Variants in SPEN observed in about 807,000 individuals in gnomAD.
SPEN encodes the protein msx2-interacting protein.
SPEN carries 18 observed loss-of-function variants against 269.9 expected under a neutral mutation model. The observed-to-expected ratio is 0.07, with a 90% CI of 0.05 to 0.10. The LOEUF is 0.10. Among genes scored for constraint, SPEN ranks in the 10% least tolerant of loss-of-function variants. The pLI is 1.00. For missense variants in SPEN, 3,822 were observed against 4,631.2 expected, an observed-to-expected ratio of 0.83 and a Z score of 5.07; for synonymous variants, 1,726 against 1,765.7, an observed-to-expected ratio of 0.98 and a Z score of 0.56.
In SPEN at chr1:15,848,717, G is replaced by A. The variant is rs1161422127; in HGVS notation, c.83+567G>A. Among the ~76,000 whole-genome samples, 2 of 152,232 alleles carry A rather than the reference G, an allele frequency of 1.3e-5. No homozygotes were observed. The highest frequency in any genetic ancestry group is 2.9e-5 in the Non-Finnish European group (2 of 68,024). On this transcript the variant is annotated intron_variant, in intron 1 of 14. Coordinates refer to ENST00000375759, the MANE Select transcript of SPEN (RefSeq NM_015001.3). This position sits in a 1 kb window ranked among gnomAD's most constrained non-coding sequence, Gnocchi z 5.1. Reference sequence around the variant, plus strand: ...GAGACCATCTAGGACCTCTCCGGAGGATTTGCAGCCTTGAAACTCACTGGG... The same window carrying A: ...GAGACCATCTAGGACCTCTCCGGAGAATTTGCAGCCTTGAAACTCACTGGG...
In SPEN at chr1:15,932,185, G is replaced by A. The variant is rs2071228504; in HGVS notation, c.5945G>A (p.Arg1982Gln). Residue 1982 changes from arginine to glutamine, a missense_variant, in exon 11 of 15, where the codon CGG becomes CAG. By Grantham distance (43) the Arg-to-Gln change is conservative (BLOSUM62 1). Coordinates refer to ENST00000375759, the MANE Select transcript of SPEN (RefSeq NM_015001.3). The surrounding 1 kb of genome is among the most constrained non-coding windows in gnomAD (Gnocchi z 4.2). ...AETLKPPEGW[R>Q]SPRSQKTAAG... ...ACACTCAAGCCACCTGAGGGATGGCGGTCGCCAAGGTCCCAGAAAACTGCA... is the reference window on the plus strand; with the variant it reads ...ACACTCAAGCCACCTGAGGGATGGCAGTCGCCAAGGTCCCAGAAAACTGCA... 6.2e-7 allele frequency: 1 copy of A among 1,611,732 alleles called. No individual in the cohort carries two copies.
rs61756184 is a variant in SPEN, at chr1:15,937,908, C to T, written c.10606C>T (p.Arg3536Trp). 2.5e-4 allele frequency: 402 copies of T among 1,614,218 alleles called. No homozygotes were observed. The highest frequency in any genetic ancestry group is 3.2e-4 in the Non-Finnish European group (376 of 1,180,038). ...FVSGNNVLAHRSLPLSEGGPP... is the reference protein window; with the variant it reads ...FVSGNNVLAHWSLPLSEGGPP... ...CTCTGGCAACAACGTCCTGGCCCAT[C>T]GGTCCCTGCCCCTTTCTGAAGGAGG... Residue 3536 changes from arginine (R) to tryptophan (W), a missense_variant, in exon 13 of 15, where the codon CGG becomes TGG. By Grantham distance (101) the Arg-to-Trp change is moderately radical (BLOSUM62 -3). Around this residue, in one of 16 missense-constraint regions of SPEN, gnomAD observed 103 missense variants for 215.8 expected, o/e 0.48. Transcript: ENST00000375759. The surrounding 1 kb of genome is among the most constrained non-coding windows in gnomAD (Gnocchi z 5.7).
intron 3 of SPEN, among the ~76,000 whole-genome samples, chr1:15,879,679 T>A (rs1027182768): frequency 1.3e-5 from 2 of 151,396 alleles, no homozygotes; most frequent in African/African-American, 2.4e-5. Context: ...AGACAAATTT[T>A]TTTTTTTTTG....
chr1:15,936,929 T>C (rs370285237), intron 11 of SPEN, among the ~76,000 whole-genome samples: 5 of 152,250 alleles, frequency 3.3e-5, no homozygotes, highest in East Asian at 3.9e-4. Context: ...GAGTTCTGCA[T>C]ATGGGGAGGG....
intron 5 of SPEN, among the ~76,000 whole-genome samples, chr1:15,911,616 T>C (rs1410196940): frequency 6.6e-6 from 1 of 152,208 alleles, no homozygotes; most frequent in Admixed American, 6.5e-5. Flanking sequence ...TTATCAAAAC[T>C]AGGAGGTAGC....
At chr1:15,873,813 A>G in intron 2 of SPEN, 2 of 1,035,138 alleles carry the variant, frequency 1.9e-6, no homozygotes, top group Non-Finnish European at 2.3e-6. Flanking sequence ...AAATCCTGGA[A>G]TATAGCCATT....
intron 8 of SPEN, 110 bp from the exon 9 acceptor site, chr1:15,920,759 TA>T: frequency 2.3e-6 from 1 of 425,680 alleles, no homozygotes; most frequent in South Asian, 6.4e-5. Context: ...ATAAAATATA[TA>T]AAAATATATT....
In SPEN at chr1:15,932,934, A is replaced by G. The variant is rs896130462; in HGVS notation, c.6694A>G (p.Asn2232Asp). The change falls in exon 11 of 15, where the codon AAC becomes GAC. Residue 2232 changes from asparagine (N) to aspartate (D), a missense_variant. This residue lies in a region of SPEN where 727 missense variants were observed against 737.9 expected (regional missense o/e 0.99). Coordinates refer to ENST00000375759, the MANE Select transcript of SPEN (RefSeq NM_015001.3). This position sits in a 1 kb window ranked among gnomAD's most constrained non-coding sequence, Gnocchi z 4.2. Reference sequence around the variant, plus strand: ...CAATGACATTTCTGGGGAGCCAGAAAACTTCCCAGCACCTCCACCTTATCC... The same window carrying G: ...CAATGACATTTCTGGGGAGCCAGAAGACTTCCCAGCACCTCCACCTTATCC... The part of the protein sequence containing the change: ...IINDISGEPE[N>D]FPAPPPYPGE... The G allele has an allele frequency of 8.1e-6, 13 of 1,614,072 alleles. No individual in the cohort carries two copies. Among genetic ancestry groups the G allele is most frequent in the Non-Finnish European group, 1.1e-5 (13 of 1,180,038 alleles).
rs1357322327 is a variant in SPEN, at chr1:15,848,426, C to A, written c.83+276C>A. On this transcript the variant is annotated intron_variant, in intron 1 of 14. Transcript: ENST00000375759. The surrounding 1 kb of genome is among the most constrained non-coding windows in gnomAD (Gnocchi z 5.1). ...GGAGGTGACCGAGGCTCGGCCTCCACGCAGCCGGCGCCCCGGGGCTGCCCT... is the reference window on the plus strand; with the variant it reads ...GGAGGTGACCGAGGCTCGGCCTCCAAGCAGCCGGCGCCCCGGGGCTGCCCT... 6.6e-6 allele frequency among the ~76,000 whole-genome samples: 1 copy of A among 151,614 alleles called. No individual in the cohort carries two copies.
intron 3 of SPEN, among the ~76,000 whole-genome samples, chr1:15,904,810 C>T (rs977899274): frequency 1.3e-5 from 2 of 151,488 alleles, no homozygotes; most frequent in African/African-American, 2.4e-5. Flanking sequence ...TAAATGTTTA[C>T]AATAAATCTG....
chr1:15,928,731 C>T lies in SPEN; in HGVS notation c.2491C>T (p.Pro831Ser). ...GAAACGCAAAGGAAAGGTTCACTCC[C>T]CTAGTTCTCAGTCTTCAGAAACGGA... ...KQKRKGKVHS[P>S]SSQSSETDQE... Residue 831 changes from proline (P) to serine (S), a missense_variant, in exon 11 of 15, where the codon CCT (proline) becomes TCT (serine). Pro to Ser is a moderately conservative substitution (Grantham distance 74). This residue lies in a region of SPEN where 572 missense variants were observed against 582.6 expected (regional missense o/e 0.98). Coordinates refer to ENST00000375759, the MANE Select transcript of SPEN (RefSeq NM_015001.3). This position sits in a 1 kb window ranked among gnomAD's most constrained non-coding sequence, Gnocchi z 5.7. 2 of 1,614,018 alleles carry T rather than the reference C, an allele frequency of 1.2e-6. No homozygotes were observed. Among genetic ancestry groups the T allele is most frequent in the Non-Finnish European group, 1.7e-6 (2 of 1,180,024 alleles).
At position 15,937,330 on chromosome 1, in the gene SPEN, A is replaced by G. The variant is rs2071285952; in HGVS notation, c.10194A>G (p.Gly3398=). 1 of 1,613,802 alleles carries G rather than the reference A, an allele frequency of 6.2e-7. No individual in the cohort carries two copies. Among genetic ancestry groups the G allele is most frequent in the Non-Finnish European group, 8.5e-7 (1 of 1,179,998 alleles). The part of the protein sequence containing the change: ...VSQEAKGTQT[G]VEQPRLPAGP... ...AGGAGGCAAAGGGGACCCAGACGGG[A>G]GTAGAGCAGCCTCGCCTCCCAGCTG... The change falls in exon 12 of 15, where the codon GGA becomes GGG. Residue 3398 remains glycine (G), a synonymous_variant. Coordinates refer to ENST00000375759, the MANE Select transcript of SPEN (RefSeq NM_015001.3). The surrounding 1 kb of genome is among the most constrained non-coding windows in gnomAD (Gnocchi z 5.7).
chr1:15,881,609 A>G (rs1162620369), intron 3 of SPEN, among the ~76,000 whole-genome samples: 1 of 152,244 alleles, frequency 6.6e-6, no homozygotes, highest in African/African-American at 2.4e-5. Context: ...CTTAGTTAAC[A>G]TGAAGGATAA....
At chr1:15,869,231 C>T (rs1380182936) in intron 1 of SPEN, among the ~76,000 whole-genome samples, 9 of 151,606 alleles carry the variant, frequency 5.9e-5, no homozygotes, top group East Asian at 1.9e-4. Flanking sequence ...TAATTTTTTG[C>T]GTTTTAGTAG....
chr1:15,895,924 T>C (rs1329826384), intron 3 of SPEN, among the ~76,000 whole-genome samples: 3 of 152,014 alleles, frequency 2.0e-5, no homozygotes, highest in African/African-American at 7.2e-5. Context: ...CCTCAGGTGA[T>C]CCACCTGTCT....
At chr1:15,861,179 C>CT (rs2070444495) in intron 1 of SPEN, among the ~76,000 whole-genome samples, 1 of 149,032 alleles carries the variant, frequency 6.7e-6, no homozygotes, top group South Asian at 2.1e-4. Flanking sequence ...GTCACCTAGG[C>CT]TGGAGTGCAG....
At position 15,913,668 on chromosome 1, in the gene SPEN, C is replaced by T. The variant is rs758236272; in HGVS notation, c.1243+2367C>T. On this transcript the variant is annotated intron_variant, in intron 5 of 14. Coordinates refer to ENST00000375759, the MANE Select transcript of SPEN (RefSeq NM_015001.3). ...GTTTGGGAGGCTGAGGCAGGAGGAT[C>T]GCTTGAGCCCAGGAGTTTGAGATGT... Among the ~76,000 whole-genome samples, 79 of 151,690 alleles carry T rather than the reference C, an allele frequency of 5.2e-4. 1 individual carries two copies. Among genetic ancestry groups the T allele is most frequent in the Admixed American group, 4.7e-3 (72 of 15,234 alleles).
At position 15,933,803 on chromosome 1, in the gene SPEN, C is replaced by A; in HGVS notation, c.7563C>A (p.Asp2521Glu). The change falls in exon 11 of 15, where the codon GAC becomes GAA. Residue 2521 changes from aspartate to glutamate, a missense_variant. Asp to Glu is a conservative substitution (Grantham distance 45). Around this residue, in one of 16 missense-constraint regions of SPEN, gnomAD observed 727 missense variants for 737.9 expected, o/e 0.99. Transcript: ENST00000375759. This position sits in a 1 kb window ranked among gnomAD's most constrained non-coding sequence, Gnocchi z 5.7. ...CTCCATCTCCAGCTCTTCCCCCAGA[C>A]ACAAAGGCCTCTGATGTTGACACCA... ...QSTPSPALPP[D>E]TKASDVDTSS... 3 of 1,613,478 alleles carry A rather than the reference C, an allele frequency of 1.9e-6. No individual in the cohort carries two copies. Among genetic ancestry groups the A allele is most frequent in the Non-Finnish European group, 2.5e-6 (3 of 1,180,038 alleles).
intron 1 of SPEN, among the ~76,000 whole-genome samples, chr1:15,862,593 A>G (rs1214523375): frequency 6.6e-6 from 1 of 152,208 alleles, no homozygotes; most frequent in Non-Finnish European, 1.5e-5. Flanking sequence ...TAATTTGACA[A>G]TCTTTTGAGA....
Sources: allele counts gnomAD v4.1 joint callset (sites outside exome capture counted in the v4.1 genomes callset), GRCh38; gene constraint gnomAD v4.1.1; regional missense constraint gnomAD v4.1.1; non-coding constraint Gnocchi (gnomAD v3.1); transcripts MANE v1.5; gene names NCBI Gene and HGNC (gene_info 2026-07-23, HGNC 2026-07-21).